Variants in TRAPPC10 observed in about 807,000 individuals in gnomAD.
TRAPPC10 encodes trafficking protein particle complex subunit 10, also known as TRAPP 130 kDa subunit.
Under a neutral mutation model 125.5 loss-of-function variants are expected in TRAPPC10, and 23 were observed. That is an observed-to-expected ratio of 0.18 (90% CI 0.13 to 0.26). The LOEUF is 0.26. Among genes scored for constraint, TRAPPC10 ranks in the 10% least tolerant of loss-of-function variants. The pLI, the probability that TRAPPC10 is intolerant of heterozygous loss-of-function variation, is 1.00. For missense variants in TRAPPC10, 1,123 were observed against 1,308.4 expected (o/e 0.86, Z 2.19); for synonymous variants, 509 against 518.0 (o/e 0.98, Z 0.24).
intron 20 of TRAPPC10, among the ~76,000 whole-genome samples, chr21:44,095,996 C>T (rs2038906650): frequency 8.7e-6 from 1 of 114,466 alleles, no homozygotes; most frequent in Non-Finnish European, 1.8e-5. Context: ...CCAGAGGGCT[C>T]TACATTCCCA....
chr21:44,037,740 T>A, intron 2 of TRAPPC10, 52 bp from the exon 3 acceptor site: 1 of 1,581,314 alleles, frequency 6.3e-7, no homozygotes, highest in Non-Finnish European at 8.6e-7. Flanking sequence ...TCCCCTCTTC[T>A]GATGAATGCT....
intron 11 of TRAPPC10, among the ~76,000 whole-genome samples, 183 bp downstream of exon 11, chr21:44,077,967 T>C (rs1217255606): frequency 6.6e-6 from 1 of 152,236 alleles, no homozygotes; most frequent in Non-Finnish European, 1.5e-5. Context: ...GATTTTCTGC[T>C]TGTTACTCTT....
chr21:44,074,294 C>A, intron 7 of TRAPPC10, 30 bp from the exon 8 acceptor site: 3 of 1,612,672 alleles, frequency 1.9e-6, no homozygotes, highest in Non-Finnish European at 2.5e-6. Flanking sequence ...CCGGAGCACC[C>A]CTCACACGTT....
chr21:44,057,841 G>T (rs1171040704), intron 5 of TRAPPC10, among the ~76,000 whole-genome samples: 2 of 152,160 alleles, frequency 1.3e-5, no homozygotes, highest in Non-Finnish European at 1.5e-5. Flanking sequence ...TTAGGGGTCT[G>T]GGAATAATGT....
chr21:44,063,938 C>T lies in TRAPPC10; in HGVS notation c.1038+153C>T, dbSNP rs1451544769. 6.6e-6 allele frequency among the ~76,000 whole-genome samples: 1 copy of T among 152,212 alleles called. No individual in the cohort carries two copies. The highest frequency in any genetic ancestry group is 1.5e-5 in the Non-Finnish European group (1 of 68,034). On this transcript the variant is annotated intron_variant, in intron 7 of 22. Coordinates refer to ENST00000291574, the MANE Select transcript of TRAPPC10 (RefSeq NM_003274.5). This position sits in a 1 kb window ranked among gnomAD's most constrained non-coding sequence, Gnocchi z 4.4. ...TTTCAGTATATTGTTTGCTTAGTTA[C>T]TTTTTACGTTGATAAATTGCTCAAA...
At chr21:44,054,969 G>A (rs1285762638) in intron 4 of TRAPPC10, among the ~76,000 whole-genome samples, 1 of 152,202 alleles carries the variant, frequency 6.6e-6, no homozygotes, top group Non-Finnish European at 1.5e-5. Flanking sequence ...CTTGAGCTGG[G>A]AAGCAGAGGA....
chr21:44,038,030 G>A (rs1045453904), intron 3 of TRAPPC10, 103 bp downstream of exon 3: 47 of 1,477,486 alleles, frequency 3.2e-5, no homozygotes, highest in Non-Finnish European at 4.2e-5. Context: ...GTGGTGGGGT[G>A]GAGTTGGAGA....
Position 44,012,393 on chromosome 21 carries a change from G to C in TRAPPC10, c.-101G>C, listed in dbSNP as rs1219905536. ...GGCTCCGGAGCTGCCTGGCGCGGCCGGGCGGGCGGCGCCGCTCAGGCTCGG... is the reference window on the plus strand; with the variant it reads ...GGCTCCGGAGCTGCCTGGCGCGGCCCGGCGGGCGGCGCCGCTCAGGCTCGG... On this transcript the variant is annotated 5_prime_UTR_variant, in exon 1 of 23. Transcript: ENST00000291574. 1.5e-6 allele frequency: 1 copy of C among 666,766 alleles called. No homozygotes were observed. Among genetic ancestry groups the C allele is most frequent in the Non-Finnish European group, 1.9e-6 (1 of 536,864 alleles). The allele number at this position is 666,766 out of a possible 1,614,324, so 41.3% of individuals were successfully genotyped here. A position where few individuals can be genotyped will look rare whatever the true frequency, so the allele number is the denominator to read the frequency against.
chr21:44,031,241 G>A (rs1222969058), intron 1 of TRAPPC10, among the ~76,000 whole-genome samples: 1 of 152,118 alleles, frequency 6.6e-6, no homozygotes, highest in African/African-American at 2.4e-5. Flanking sequence ...ATTTCTTAAA[G>A]ATCAATATAA....
Position 44,092,196 on chromosome 21 carries a change from C to G in TRAPPC10, c.2997+147C>G, listed in dbSNP as rs918399589. On this transcript the variant is annotated intron_variant, in intron 19 of 22. Transcript: ENST00000291574. Reference sequence around the variant, plus strand: ...GCTCCTGTGCAGCTCCTCCGGCTGCCCTGAGGCTGGATCGAGGCTTGCTCC... The same window carrying G: ...GCTCCTGTGCAGCTCCTCCGGCTGCGCTGAGGCTGGATCGAGGCTTGCTCC... The G allele has an allele frequency of 5.0e-6, 5 of 1,006,820 alleles. No individual in the cohort carries two copies. In the East Asian group the frequency reaches 1.3e-4, roughly 26 times the overall value. The allele number at this position is 1,006,820 out of a possible 1,614,324, so 62.4% of individuals were successfully genotyped here.
chr21:44,014,911 T>C (rs570974644), intron 1 of TRAPPC10, among the ~76,000 whole-genome samples: 25 of 152,334 alleles, frequency 1.6e-4, no homozygotes, highest in Non-Finnish European at 3.2e-4. Context: ...CTTGAAATTA[T>C]GTTGTGGTAT....
intron 10 of TRAPPC10, 27 bp from the exon 11 acceptor site, chr21:44,077,666 C>T (rs775682757): frequency 6.7e-7 from 1 of 1,503,380 alleles, no homozygotes; most frequent in Non-Finnish European, 9.2e-7. Flanking sequence ...AGTTCAAGTA[C>T]ATAATTGTGT....
chr21:44,042,043 G>T (rs1479694130), intron 3 of TRAPPC10, among the ~76,000 whole-genome samples: 3 of 152,050 alleles, frequency 2.0e-5, no homozygotes, highest in African/African-American at 7.2e-5. Context: ...GTATATTTGT[G>T]CTTTCTCTCT....
chr21:44,017,174 A>T (rs1010232651), intron 1 of TRAPPC10, among the ~76,000 whole-genome samples: 4 of 152,232 alleles, frequency 2.6e-5, no homozygotes, highest in African/African-American at 9.6e-5. Context: ...TTCTTAGGAA[A>T]TCGCAGTTGT....
chr21:44,092,158 C>A, intron 19 of TRAPPC10, 109 bp downstream of exon 19: 2 of 1,399,594 alleles, frequency 1.4e-6, no homozygotes, highest in Non-Finnish European at 1.9e-6. Flanking sequence ...AGCTGCACTG[C>A]TGATGAGTAA....
chr21:44,036,077 G>A (rs1179229383), intron 2 of TRAPPC10, among the ~76,000 whole-genome samples: 1 of 152,138 alleles, frequency 6.6e-6, no homozygotes, highest in Non-Finnish European at 1.5e-5. Flanking sequence ...GGGAACAGAG[G>A]ACAGGTGACA....
chr21:44,036,553 A>C (rs1255591621), intron 2 of TRAPPC10, among the ~76,000 whole-genome samples: 3 of 152,206 alleles, frequency 2.0e-5, no homozygotes, highest in African/African-American at 7.2e-5. Flanking sequence ...TCCCATTCAC[A>C]TATGTTCACT....
intron 2 of TRAPPC10, among the ~76,000 whole-genome samples, chr21:44,036,880 T>G (rs1402605545): frequency 6.6e-6 from 1 of 152,168 alleles, no homozygotes; most frequent in Non-Finnish European, 1.5e-5. Context: ...AGAATTAAAA[T>G]GCAACCAACG....
intron 3 of TRAPPC10, among the ~76,000 whole-genome samples, chr21:44,040,478 A>C (rs2034333846): frequency 6.6e-6 from 1 of 152,086 alleles, no homozygotes; most frequent in Middle Eastern, 3.4e-3. Context: ...GATTGAGTTG[A>C]GACCACAGGC....
Sources: gnomAD v4.1 joint callset for allele counts (sites outside exome capture counted in the v4.1 genomes callset) on GRCh38, gnomAD v4.1.1 for gene constraint, Gnocchi (gnomAD v3.1) non-coding constraint, MANE v1.5 for transcripts, NCBI Gene and HGNC (gene_info 2026-07-23, HGNC 2026-07-21) for gene names.